FRYL: variants seen among roughly 807,000 people sequenced by gnomAD.
The protein encoded by FRYL is protein furry homolog-like.
A neutral mutation model predicts 351.2 loss-of-function variants in FRYL; 150 were observed. The observed-to-expected ratio is 0.43, with a 90% CI of 0.37 to 0.49. The LOEUF (loss-of-function observed/expected upper bound fraction) is 0.49, where lower values mean the gene tolerates loss of function less well. Among genes scored for constraint, FRYL ranks in the 20% least tolerant of loss-of-function variants. The pLI is 0.00. For synonymous variants in FRYL, 1,153 were observed against 1,257.1 expected, an observed-to-expected ratio of 0.92 and a Z score of 1.75; for missense variants, 3,036 against 3,619.3, an observed-to-expected ratio of 0.84 and a Z score of 4.13.
chr4:48,537,750 C>T (rs992649093), intron 47 of FRYL, among the ~76,000 whole-genome samples: 1 of 152,150 alleles, frequency 6.6e-6, no homozygotes, highest in Non-Finnish European at 1.5e-5. Flanking sequence ...ACTGTGGTCA[C>T]GATATCAGCA....
At chr4:48,687,047 C>G in intron 2 of FRYL, among the ~76,000 whole-genome samples, 1 of 152,122 alleles carries the variant, frequency 6.6e-6, no homozygotes, top group East Asian at 1.9e-4. Context: ...CTTTCTGGGA[C>G]CTTTTTCGTC....
At chr4:48,505,392 T>C (rs1577829125) in intron 60 of FRYL, 155 bp downstream of exon 60, 2 of 656,462 alleles carry the variant, frequency 3.0e-6, no homozygotes, top group Admixed American at 2.3e-5. Context: ...CAGTATTTCA[T>C]TGAGCTTTTA....
chr4:48,652,173 C>T (rs1757840855), intron 3 of FRYL, among the ~76,000 whole-genome samples: 1 of 152,170 alleles, frequency 6.6e-6, no homozygotes, highest in Admixed American at 6.5e-5. Flanking sequence ...ATTTAAATGG[C>T]CATAAAACAG....
At chr4:48,675,993 T>A (rs1344093458) in intron 3 of FRYL, among the ~76,000 whole-genome samples, 1 of 152,182 alleles carries the variant, frequency 6.6e-6, no homozygotes, top group Non-Finnish European at 1.5e-5. Context: ...TTGGAGAACC[T>A]GTGTGTCCAA....
chr4:48,712,891 C>T (rs1304476907), intron 1 of FRYL, among the ~76,000 whole-genome samples: 1 of 152,182 alleles, frequency 6.6e-6, no homozygotes, highest in Non-Finnish European at 1.5e-5. Flanking sequence ...TCAGCAGAAA[C>T]TCTACAAGCC....
intron 35 of FRYL, among the ~76,000 whole-genome samples, chr4:48,554,466 G>C (rs749437206): frequency 1.1e-4 from 17 of 152,074 alleles, no homozygotes; most frequent in Non-Finnish European, 2.4e-4. Context: ...CAGCCTCCGA[G>C]TAGGTGGGAT....
chr4:48,661,556 G>C (rs1760722550), intron 3 of FRYL, among the ~76,000 whole-genome samples: 1 of 152,204 alleles, frequency 6.6e-6, no homozygotes, highest in Admixed American at 6.5e-5. Context: ...ACTCCTTAAA[G>C]TAGTTTCAAA....
intron 1 of FRYL, among the ~76,000 whole-genome samples, chr4:48,777,681 T>TAA (rs1201863293): frequency 1.3e-5 from 2 of 152,236 alleles, no homozygotes; most frequent in Admixed American, 6.5e-5. Flanking sequence ...TGTTCTCTTC[T>TAA]AAAAGTTGAG....
Position 48,697,465 on chromosome 4 carries a change from T to C in FRYL, c.-203-12670A>G, listed in dbSNP as rs186520430. Reference sequence around the variant, plus strand: ...CCTTTCTTGGATTTCTCAATGTTGATTATAAACTAACTAAAATGAAGCATA... The same window carrying C: ...CCTTTCTTGGATTTCTCAATGTTGACTATAAACTAACTAAAATGAAGCATA... On this transcript the variant is annotated intron_variant, in intron 2 of 63. Coordinates refer to ENST00000358350, the MANE Select transcript of FRYL (RefSeq NM_015030.2). Among the ~76,000 whole-genome samples, 348 of 152,304 alleles carry C rather than the reference T, an allele frequency of 2.3e-3. 1 individual carries two copies. Among genetic ancestry groups the C allele is most frequent in the Non-Finnish European group, 4.1e-3 (279 of 68,010 alleles).
chr4:48,539,432 T>C (rs1028171771), intron 47 of FRYL, among the ~76,000 whole-genome samples: 11 of 152,198 alleles, frequency 7.2e-5, no homozygotes, highest in Non-Finnish European at 4.4e-5. Context: ...TTTATTCCTA[T>C]CCATTCTTCG....
At chr4:48,704,225 A>T (rs752596943) in intron 2 of FRYL, among the ~76,000 whole-genome samples, 5 of 152,208 alleles carry the variant, frequency 3.3e-5, no homozygotes, top group African/African-American at 7.2e-5. Flanking sequence ...TATAAAATAA[A>T]AAACACCAAC....
chr4:48,565,827 C>T (rs1262972518), intron 28 of FRYL, 136 bp from the exon 29 acceptor site: 1 of 814,016 alleles, frequency 1.2e-6, no homozygotes, highest in South Asian at 1.8e-5. Context: ...AAAACCTCCG[C>T]GGTAGCAGGG....
At chr4:48,700,614 C>A (rs1766622808) in intron 2 of FRYL, among the ~76,000 whole-genome samples, 1 of 151,808 alleles carries the variant, frequency 6.6e-6, no homozygotes, top group South Asian at 2.1e-4. Context: ...CCAGCCTGGG[C>A]AACATAGTAA....
chr4:48,610,641 G>C lies in FRYL; in HGVS notation c.412-818C>G, dbSNP rs191951985. 2.8e-3 allele frequency among the ~76,000 whole-genome samples: 409 copies of C among 143,584 alleles called. 1 individual carries two copies. Among genetic ancestry groups the C allele is most frequent in the African/African-American group, 9.9e-3 (387 of 39,156 alleles). 94.2% of individuals were successfully genotyped at this position (143,584 alleles called of 152,430 possible). A position where few individuals can be genotyped will look rare whatever the true frequency, so the allele number is the denominator to read the frequency against. The stretch of plus-strand genomic sequence containing the variant: ...ATACATATTGAAATATGTATATATA[G>C]TATATATGTATATATTGTATATATA... On this transcript the variant is annotated intron_variant, in intron 7 of 63. Coordinates refer to ENST00000358350, the MANE Select transcript of FRYL (RefSeq NM_015030.2).
chr4:48,762,210 G>A (rs559782667), intron 1 of FRYL, among the ~76,000 whole-genome samples: 13 of 152,264 alleles, frequency 8.5e-5, no homozygotes, highest in African/African-American at 1.4e-4. Context: ...AAGGTACTTC[G>A]TTATTGCAGC....
At position 48,505,527 on chromosome 4, in the gene FRYL, A is replaced by G. The variant is rs1395823521; in HGVS notation, c.8463+20T>C. 1 of 1,518,930 alleles carries G rather than the reference A, an allele frequency of 6.6e-7. No homozygotes were observed. 94.1% of individuals were successfully genotyped at this position (1,518,930 alleles called of 1,614,324 possible). A position where few individuals can be genotyped will look rare whatever the true frequency, so the allele number is the denominator to read the frequency against. On this transcript the variant is annotated intron_variant, in intron 60 of 63. Coordinates refer to ENST00000358350, the MANE Select transcript of FRYL (RefSeq NM_015030.2). ...TGATACAGAAAATGTATGTTGCAAA[A>G]ACAGGAACAAGAAACTTACTTGTGC...
intron 2 of FRYL, among the ~76,000 whole-genome samples, chr4:48,698,803 C>T (rs1766449256): frequency 6.6e-6 from 1 of 151,966 alleles, no homozygotes. Flanking sequence ...GGCACCACCC[C>T]CACCCCAACC....
chr4:48,587,168 A>G, intron 18 of FRYL, among the ~76,000 whole-genome samples: 1 of 152,068 alleles, frequency 6.6e-6, no homozygotes, highest in East Asian at 1.9e-4. Flanking sequence ...AGTATCTTCC[A>G]CTAACAAAGG....
intron 1 of FRYL, among the ~76,000 whole-genome samples, chr4:48,730,068 C>T (rs573080440): frequency 3.3e-5 from 5 of 152,100 alleles, no homozygotes; most frequent in Admixed American, 1.3e-4. Flanking sequence ...AACCACAGCA[C>T]GAGAACTTCA....
Sources: allele counts gnomAD v4.1 joint callset (sites outside exome capture counted in the v4.1 genomes callset), GRCh38; gene constraint gnomAD v4.1.1; transcripts MANE v1.5; gene names NCBI Gene and HGNC (gene_info 2026-07-23, HGNC 2026-07-21).